The following MLXIPL variants were observed in gnomAD, a reference collection of about 807,000 sequenced individuals.
The protein encoded by MLXIPL is carbohydrate-responsive element-binding protein.
A neutral mutation model predicts 81.5 loss-of-function variants in MLXIPL; 49 were observed. The observed-to-expected ratio is 0.60, with a 90% CI of 0.48 to 0.76. The LOEUF (loss-of-function observed/expected upper bound fraction) is 0.76, where lower values mean the gene tolerates loss of function less well. Among genes scored for constraint, MLXIPL ranks in the 30% least tolerant of loss-of-function variants. MLXIPL has a pLI of 0.00. For synonymous variants in MLXIPL, 466 were observed against 485.5 expected, an observed-to-expected ratio of 0.96 and a Z score of 0.53; for missense variants, 1,053 against 1,167.0, an observed-to-expected ratio of 0.90 and a Z score of 1.42.
chr7:73,645,005 G>A, the MLXIPL span, among the ~76,000 whole-genome samples: 1 of 152,070 alleles, frequency 6.6e-6, no homozygotes, highest in Non-Finnish European at 1.5e-5. Flanking sequence ...CTAGCAGGGG[G>A]TGGCCTGGGA....
At chr7:73,606,929 G>A (rs782547277) in intron 5 of MLXIPL, 45 bp downstream of exon 5, 1 of 1,603,348 alleles carries the variant, frequency 6.2e-7, no homozygotes, top group Non-Finnish European at 8.5e-7. Flanking sequence ...ATCTACTTGG[G>A]GGGCAAAGGG....
intron 2 of MLXIPL, 40 bp downstream of exon 2, chr7:73,616,031 C>T: frequency 6.5e-7 from 1 of 1,535,604 alleles, no homozygotes; most frequent in Non-Finnish European, 9.0e-7. Flanking sequence ...TTGGAGGGGG[C>T]AGTCCCTCCC....
At chr7:73,616,310 C>T (rs2116459672) in intron 1 of MLXIPL, 133 bp from the exon 2 acceptor site, 2 of 759,190 alleles carry the variant, frequency 2.6e-6, no homozygotes, top group East Asian at 2.6e-5. Flanking sequence ...GCCCCCCAAC[C>T]CAACCTGCCT....
intron 7 of MLXIPL, among the ~76,000 whole-genome samples, chr7:73,604,790 A>C (rs1479767154): frequency 1.3e-5 from 2 of 151,970 alleles, no homozygotes; most frequent in Non-Finnish European, 2.9e-5. Context: ...TTTGAGACAG[A>C]GTCTTGCTCT....
At chr7:73,641,541 C>T in the MLXIPL span, among the ~76,000 whole-genome samples, 1 of 152,082 alleles carries the variant, frequency 6.6e-6, no homozygotes, top group Non-Finnish European at 1.5e-5. Flanking sequence ...CGATAGCCAC[C>T]GTATACCAGC....
At chr7:73,627,931 G>C (rs1796778380), upstream of MLXIPL, among the ~76,000 whole-genome samples, 1 of 151,956 alleles carries the variant, frequency 6.6e-6, no homozygotes. Flanking sequence ...TCTTACTGGC[G>C]ATCTGTCTCA....
At chr7:73,646,036 C>T in the MLXIPL span, among the ~76,000 whole-genome samples, 1 of 152,338 alleles carries the variant, frequency 6.6e-6, no homozygotes, top group Non-Finnish European at 1.5e-5. Context: ...CGTCCCCTCT[C>T]TCTTCCCTCC....
At chr7:73,604,666 G>A (rs1223651289) in intron 7 of MLXIPL, among the ~76,000 whole-genome samples, 2 of 152,112 alleles carry the variant, frequency 1.3e-5, no homozygotes, top group Non-Finnish European at 2.9e-5. Flanking sequence ...TTGATAAGTC[G>A]GTGACATCAG....
rs1199964232 is a variant in MLXIPL at position 73,593,219 on chromosome 7, T to C, written c.*646A>G. The C allele has an allele frequency of 6.4e-6, 1 of 156,696 alleles. No homozygotes were observed. Among genetic ancestry groups the C allele is most frequent in the Non-Finnish European group, 1.4e-5 (1 of 71,030 alleles). The allele number at this position is 156,696 out of a possible 1,614,324, so 9.7% of individuals were successfully genotyped here. ...AACCAGCAGACAGTTTTTGCTTTTA[T>C]TGGTCAAGAATTCTTTACAAAACCC... On this transcript the variant is annotated 3_prime_UTR_variant, in exon 17 of 17. Transcript: ENST00000313375.
the MLXIPL span, among the ~76,000 whole-genome samples, chr7:73,643,878 C>T: frequency 4.6e-5 from 7 of 152,128 alleles, no homozygotes; most frequent in Non-Finnish European, 7.3e-5. Context: ...GTGATCCTCC[C>T]GCCTCAGCCT....
Position 73,596,698 on chromosome 7 carries a change from G to T in MLXIPL, c.1763C>A (p.Ala588Asp). 1.3e-6 allele frequency: 2 copies of T among 1,588,934 alleles called. No individual in the cohort carries two copies. The highest frequency in any genetic ancestry group is 8.6e-7 in the Non-Finnish European group (1 of 1,168,110). The part of the protein sequence containing the change: ...PRPPPGPATL[A>D]PSRPLLVPKA... ...GGGGACAAGCAGGGGCCTGGAAGGG[G>T]CCAATGTGGCCGGGCCTGGAGGTGG... Residue 588 changes from alanine (A) to aspartate (D), a missense_variant, in exon 11 of 17, where the codon GCC becomes GAC. Ala to Asp is a moderately radical substitution (Grantham distance 126). Coordinates refer to ENST00000313375, the MANE Select transcript of MLXIPL (RefSeq NM_032951.3). The surrounding 1 kb of genome is among the most constrained non-coding windows in gnomAD (Gnocchi z 4.7).
chr7:73,598,045 A>C (rs1365771400), intron 8 of MLXIPL, among the ~76,000 whole-genome samples: 2 of 151,610 alleles, frequency 1.3e-5, no homozygotes, highest in East Asian at 3.9e-4. Context: ...CCACCAACCA[A>C]CTCACCCATC....
At chr7:73,641,477 G>A in the MLXIPL span, among the ~76,000 whole-genome samples, 143 of 152,272 alleles carry the variant, frequency 9.4e-4, no homozygotes, top group African/African-American at 3.4e-3. Flanking sequence ...TGAACCTGGA[G>A]GTGGTGTTTC....
At position 73,607,593 on chromosome 7, in the gene MLXIPL, C is replaced by CG; in HGVS notation, c.479dup (p.Glu161GlyfsTer34). 6.2e-7 allele frequency: 1 copy of CG among 1,612,816 alleles called. No homozygotes were observed. The highest frequency in any genetic ancestry group is 8.5e-7 in the Non-Finnish European group (1 of 1,179,956). On this transcript the variant is annotated frameshift_variant, in exon 3 of 17. Transcript: ENST00000313375. LOFTEE classifies it high-confidence loss of function. ...AGGCGGTCCAGAACCCAGCTACCTCCGGCTTCCGGTGCGCATCAGCCTCAG... is the reference window on the plus strand; with the variant it reads ...AGGCGGTCCAGAACCCAGCTACCTCCGGGCTTCCGGTGCGCATCAGCCTCAG...
chr7:73,595,740 G>A lies in MLXIPL; in HGVS notation c.2207C>T (p.Pro736Leu), dbSNP rs1392956693. 2 of 1,606,310 alleles carry A rather than the reference G, an allele frequency of 1.2e-6. No homozygotes were observed. Among genetic ancestry groups the A allele is most frequent in the African/African-American group, 2.7e-5 (2 of 74,832 alleles). The change falls in exon 15 of 17, where the codon CCC becomes CTC. Residue 736 changes from proline to leucine, a missense_variant. Transcript: ENST00000313375. ...AAINLCQQQL[P>L]ATGVPITHQR... Reference sequence around the variant, plus strand: ...GTGTGTGATGGGTACCCCTGTGGCGGGCAGCTGCTGCTGGCACAGGCTGGG... The same window carrying A: ...GTGTGTGATGGGTACCCCTGTGGCGAGCAGCTGCTGCTGGCACAGGCTGGG...
chr7:73,619,226 C>T (rs970776912), intron 1 of MLXIPL, among the ~76,000 whole-genome samples: 1 of 151,840 alleles, frequency 6.6e-6, no homozygotes, highest in Non-Finnish European at 1.5e-5. Context: ...TTTGGGAGGC[C>T]GAGGTGGGTG....
the MLXIPL span, among the ~76,000 whole-genome samples, chr7:73,633,184 C>T: frequency 6.6e-6 from 1 of 150,584 alleles, no homozygotes; most frequent in African/African-American, 2.4e-5. Context: ...AGGTTCATGC[C>T]ATTCTTCTGC....
intron 7 of MLXIPL, among the ~76,000 whole-genome samples, chr7:73,600,981 G>A (rs1356204660): frequency 6.6e-6 from 1 of 151,822 alleles, no homozygotes; most frequent in Non-Finnish European, 1.5e-5. Flanking sequence ...AGCTCCTGAG[G>A]CCTCTTAGTC....
intron 1 of MLXIPL, among the ~76,000 whole-genome samples, chr7:73,621,262 C>G (rs1426431289): frequency 1.3e-5 from 2 of 151,652 alleles, no homozygotes; most frequent in Non-Finnish European, 2.9e-5. Context: ...TGACCATGAA[C>G]AAGTGCTTCC....
Sources: allele counts gnomAD v4.1 joint callset (sites outside exome capture counted in the v4.1 genomes callset), GRCh38; gene constraint gnomAD v4.1.1; non-coding constraint Gnocchi (gnomAD v3.1); transcripts MANE v1.5; gene names NCBI Gene and HGNC (gene_info 2026-07-23, HGNC 2026-07-21).